The following PHACTR3 variants were observed in gnomAD, a reference collection of about 807,000 sequenced individuals.
PHACTR3 encodes the protein protein phosphatase 1, regulatory subunit 123.
In PHACTR3, 16 loss-of-function variants were observed where a neutral mutation model predicts 66.8. The observed-to-expected ratio is 0.24, with a 90% CI of 0.16 to 0.36. The LOEUF is 0.36. Among genes scored for constraint, PHACTR3 ranks in the 10% least tolerant of loss-of-function variants. The pLI, the probability that PHACTR3 is intolerant of heterozygous loss-of-function variation, is 1.00. For missense variants in PHACTR3, 647 were observed against 719.9 expected, an observed-to-expected ratio of 0.90 and a Z score of 1.16; for synonymous variants, 323 against 292.1, an observed-to-expected ratio of 1.11 and a Z score of -1.08.
intron 1 of PHACTR3, among the ~76,000 whole-genome samples, chr20:59,594,633 T>C (rs1195270318): frequency 6.6e-6 from 1 of 152,168 alleles, no homozygotes; most frequent in Non-Finnish European, 1.5e-5. Context: ...GCAATGTGTG[T>C]TCCCTCTTTC....
chr20:59,738,738 T>C lies in PHACTR3; in HGVS notation c.119-4369T>C, dbSNP rs1026608598. ...TGACACTCCCTTCATCCTTCAGCTG[T>C]GTATGTGTGTTTCTGGTGATTGCTG... On this transcript the variant is annotated intron_variant, in intron 1 of 12. Transcript: ENST00000371015. This position sits in a 1 kb window ranked among gnomAD's most constrained non-coding sequence, Gnocchi z 4.4. Among the ~76,000 whole-genome samples, 1 of 152,076 alleles carries C rather than the reference T, an allele frequency of 6.6e-6. No homozygotes were observed. The highest frequency in any genetic ancestry group is 1.5e-5 in the Non-Finnish European group (1 of 68,000).
rs1316866528 is a variant in PHACTR3 at position 59,604,847 on chromosome 20, G to T, written c.-168G>T. On this transcript the variant is annotated 5_prime_UTR_variant, in exon 1 of 13. Coordinates refer to ENST00000371015, the MANE Select transcript of PHACTR3 (RefSeq NM_080672.5). ...TCCCCGCCCTGAAGCCAGCCCCGGC[G>T]TCTTTCTCCAGCTCGTTTCCTTTCC... 8.3e-7 allele frequency: 1 copy of T among 1,206,820 alleles called. No homozygotes were observed. Among genetic ancestry groups the T allele is most frequent in the Non-Finnish European group, 1.0e-6 (1 of 975,724 alleles). The allele number at this position is 1,206,820 out of a possible 1,614,324, so 74.8% of individuals were successfully genotyped here.
At chr20:59,787,232 A>G (rs2040945307) in intron 7 of PHACTR3, among the ~76,000 whole-genome samples, 1 of 152,228 alleles carries the variant, frequency 6.6e-6, no homozygotes, top group Non-Finnish European at 1.5e-5. Flanking sequence ...TGTAAATTAC[A>G]TCCATGGGCA....
At chr20:59,605,220 C>A in intron 1 of PHACTR3, 88 bp downstream of exon 1, 1 of 950,032 alleles carries the variant, frequency 1.1e-6, no homozygotes, top group Non-Finnish European at 1.4e-6. Flanking sequence ...CTCCGCGCCC[C>A]GCCTGCATTC....
chr20:59,769,361 C>T (rs1742248474), intron 5 of PHACTR3, among the ~76,000 whole-genome samples: 1 of 152,186 alleles, frequency 6.6e-6, no homozygotes, highest in Non-Finnish European at 1.5e-5. Flanking sequence ...CGGTTAGGCC[C>T]TGAATCCAAT....
chr20:59,672,601 G>A (rs1207188224), intron 1 of PHACTR3, among the ~76,000 whole-genome samples: 2 of 152,172 alleles, frequency 1.3e-5, no homozygotes, highest in Admixed American at 6.5e-5. Context: ...AAGGATGTGA[G>A]GATTAAATGG....
intron 7 of PHACTR3, among the ~76,000 whole-genome samples, chr20:59,800,936 A>G (rs1490212096): frequency 3.3e-5 from 5 of 152,144 alleles, no homozygotes; most frequent in Non-Finnish European, 7.3e-5. Flanking sequence ...ACTCTATTCA[A>G]TGTCTGTACA....
Position 59,596,282 on chromosome 20 carries a change from C to T in PHACTR3, c.109+18665C>T, listed in dbSNP as rs531648226. On this transcript the variant is annotated intron_variant, in intron 1 of 12. Coordinates refer to the PHACTR3 transcript ENST00000359926. ...TCCCAAGTAAATTACTACAGGCACA[C>T]AGCATCATGCCTGGCTAATTTTTGT... 7.9e-5 allele frequency among the ~76,000 whole-genome samples: 12 copies of T among 152,318 alleles called. No individual in the cohort carries two copies. The South Asian group carries it at 2.1e-3, about 26-fold the overall frequency.
intron 1 of PHACTR3, among the ~76,000 whole-genome samples, chr20:59,704,675 A>T (rs1445876306): frequency 2.1e-5 from 3 of 142,348 alleles, no homozygotes; most frequent in South Asian, 2.2e-4. Flanking sequence ...ATTTGTCTGG[A>T]TCTGCCATGT....
intron 8 of PHACTR3, among the ~76,000 whole-genome samples, chr20:59,825,287 C>A (rs886818480): frequency 6.6e-6 from 1 of 152,188 alleles, no homozygotes; most frequent in Non-Finnish European, 1.5e-5. Context: ...CCCAAGGTTG[C>A]CTTGTTGCTG....
chr20:59,788,924 C>T (rs1377101931), intron 7 of PHACTR3, among the ~76,000 whole-genome samples: 1 of 152,148 alleles, frequency 6.6e-6, no homozygotes, highest in Non-Finnish European at 1.5e-5. Flanking sequence ...GGAGAGTTTG[C>T]CCTCAAGACC....
intron 4 of PHACTR3, among the ~76,000 whole-genome samples, chr20:59,761,646 T>C (rs1026333358): frequency 2.0e-5 from 3 of 152,202 alleles, no homozygotes; most frequent in African/African-American, 7.2e-5. Flanking sequence ...ACAAAAATGT[T>C]TACTATCTGC....
chr20:59,643,798 T>C (rs1233337466), intron 1 of PHACTR3, among the ~76,000 whole-genome samples: 1 of 152,124 alleles, frequency 6.6e-6, no homozygotes, highest in Non-Finnish European at 1.5e-5. Context: ...TCTAAAAGTA[T>C]TGGATTCTAA....
chr20:59,766,137 G>C (rs1219997973), intron 4 of PHACTR3, among the ~76,000 whole-genome samples: 1 of 152,226 alleles, frequency 6.6e-6, no homozygotes, highest in Non-Finnish European at 1.5e-5. Flanking sequence ...CCCCTGTAAA[G>C]CTGGAGGTGA....
At chr20:59,779,749 T>G (rs2040659735) in intron 7 of PHACTR3, among the ~76,000 whole-genome samples, 1 of 152,244 alleles carries the variant, frequency 6.6e-6, no homozygotes, top group African/African-American at 2.4e-5. Flanking sequence ...CATGAGAATT[T>G]AATTTTTGGA....
At chr20:59,724,552 G>A (rs150928221) in intron 1 of PHACTR3, among the ~76,000 whole-genome samples, 16 of 152,258 alleles carry the variant, frequency 1.1e-4, no homozygotes, top group African/African-American at 2.9e-4. Context: ...ACCCTCAGGC[G>A]TGCGTGGCCG....
At chr20:59,809,277 G>C (rs987197961) in intron 8 of PHACTR3, among the ~76,000 whole-genome samples, 26 of 152,200 alleles carry the variant, frequency 1.7e-4, no homozygotes, top group African/African-American at 6.3e-4. Context: ...ACAGAGTTGT[G>C]CTTGGGGCGC....
chr20:59,781,601 G>A (rs565854696), intron 7 of PHACTR3, among the ~76,000 whole-genome samples: 3 of 152,138 alleles, frequency 2.0e-5, no homozygotes, highest in African/African-American at 4.8e-5. Flanking sequence ...CTGAGGGTGT[G>A]TCCCAGCGGC....
intron 7 of PHACTR3, among the ~76,000 whole-genome samples, chr20:59,776,507 C>T (rs570022037): frequency 3.3e-4 from 28 of 84,346 alleles, no homozygotes; most frequent in Non-Finnish European, 4.6e-4. Flanking sequence ...ACCAGCCACA[C>T]GGGGAGGATA....
Sources: allele counts gnomAD v4.1 joint callset (sites outside exome capture counted in the v4.1 genomes callset), GRCh38; gene constraint gnomAD v4.1.1; non-coding constraint Gnocchi (gnomAD v3.1); transcripts MANE v1.5; gene names NCBI Gene and HGNC (gene_info 2026-07-23, HGNC 2026-07-21).